SH3GLB1: variants seen among roughly 807,000 people sequenced by gnomAD.
SH3GLB1 encodes endophilin-B1.
SH3GLB1 carries 17 observed loss-of-function variants against 42.0 expected under a neutral mutation model. The observed-to-expected ratio is 0.40, with a 90% CI of 0.28 to 0.61. The LOEUF (loss-of-function observed/expected upper bound fraction) is 0.61, where lower values mean the gene tolerates loss of function less well. Ranked by LOEUF, SH3GLB1 falls within the 20% of genes least tolerant of loss-of-function variation. The probability of loss-of-function intolerance (pLI) is 0.36; values close to 1 mark genes in which losing one functional copy is unlikely to be tolerated. For missense variants in SH3GLB1, 355 were observed against 426.3 expected (o/e 0.83, Z 1.47); for synonymous variants, 132 against 146.6 (o/e 0.90, Z 0.72).
intron 5 of SH3GLB1, among the ~76,000 whole-genome samples, chr1:86,724,892 A>AATATATATATATATATATAT (rs58927851): frequency 1.4e-4 from 14 of 99,598 alleles, no homozygotes; most frequent in South Asian, 3.0e-4. Flanking sequence ...AAAAAAAAAA[A>AATATATATATATATATATAT]ATATATATAT....
intron 1 of SH3GLB1, among the ~76,000 whole-genome samples, chr1:86,710,750 T>A (rs899484975): frequency 6.6e-6 from 1 of 152,144 alleles, no homozygotes; most frequent in Admixed American, 6.5e-5. Flanking sequence ...GTTAATATAT[T>A]TGAAGCAAAA....
At chr1:86,739,684 TA>T (rs1655963493) in intron 7 of SH3GLB1, among the ~76,000 whole-genome samples, 3 of 151,744 alleles carry the variant, frequency 2.0e-5, no homozygotes, top group Non-Finnish European at 2.9e-5. Flanking sequence ...ATAGGAGAAA[TA>T]AGGGCATGTT....
chr1:86,717,703 T>C (rs2101931696), intron 2 of SH3GLB1, among the ~76,000 whole-genome samples: 1 of 152,332 alleles, frequency 6.6e-6, no homozygotes, highest in East Asian at 1.9e-4. Flanking sequence ...ATTACACGTG[T>C]GAGCCACCAT....
intron 7 of SH3GLB1, among the ~76,000 whole-genome samples, chr1:86,739,693 G>A (rs370920465): frequency 7.9e-5 from 12 of 152,080 alleles, no homozygotes; most frequent in East Asian, 5.8e-4. Context: ...ATAAGGGCAT[G>A]TTTGTAAGCT....
intron 5 of SH3GLB1, among the ~76,000 whole-genome samples, chr1:86,731,680 G>C (rs1485208425): frequency 6.6e-6 from 1 of 152,146 alleles, no homozygotes; most frequent in African/African-American, 2.4e-5. Flanking sequence ...AGAAACTCAT[G>C]AAACATATTA....
At chr1:86,724,210 C>CA in intron 4 of SH3GLB1, 103 bp from the exon 5 acceptor site, 2 of 722,236 alleles carry the variant, frequency 2.8e-6, no homozygotes, top group Admixed American at 3.5e-5. Context: ...AGATCTTTAT[C>CA]AAGTGATACA....
intron 3 of SH3GLB1, among the ~76,000 whole-genome samples, chr1:86,720,129 A>G (rs1407162921): frequency 6.6e-6 from 1 of 152,104 alleles, no homozygotes; most frequent in African/African-American, 2.4e-5. Flanking sequence ...ATTCAAGCAT[A>G]TATTTAGTTA....
At chr1:86,722,432 C>T in intron 3 of SH3GLB1, 108 bp from the exon 4 acceptor site, 1 of 937,846 alleles carries the variant, frequency 1.1e-6, no homozygotes, top group Non-Finnish European at 1.6e-6. Context: ...CTTTAGCAAG[C>T]AAGTTACAGC....
At chr1:86,727,128 A>C (rs907038780) in intron 5 of SH3GLB1, among the ~76,000 whole-genome samples, 2 of 152,018 alleles carry the variant, frequency 1.3e-5, no homozygotes, top group Admixed American at 1.3e-4. Context: ...GTTCATAGAT[A>C]AATGATGTAA....
Position 86,724,992 on chromosome 1 carries a change from G to A in SH3GLB1, c.570+587G>A, listed in dbSNP as rs1014470019. Among the ~76,000 whole-genome samples, 69 of 142,766 alleles carry A rather than the reference G, an allele frequency of 4.8e-4. 1 individual carries two copies. The highest frequency in any genetic ancestry group is 1.8e-3 in the African/African-American group (68 of 38,058). The allele number at this position is 142,766 out of a possible 152,430, so 93.7% of individuals were successfully genotyped here. On this transcript the variant is annotated intron_variant, in intron 5 of 8. Coordinates refer to ENST00000370558, the MANE Select transcript of SH3GLB1 (RefSeq NM_016009.5). ...GTATATATATAAAATATATATATGT[G>A]TGTATATACACACACACACGTGATA...
chr1:86,713,655 C>T (rs1035207321), intron 1 of SH3GLB1, among the ~76,000 whole-genome samples: 9 of 152,128 alleles, frequency 5.9e-5, no homozygotes, highest in African/African-American at 2.2e-4. Flanking sequence ...TCTCACACTC[C>T]TCAAACTCCT....
chr1:86,742,222 A>G lies in SH3GLB1; in HGVS notation c.776A>G (p.Tyr259Cys). The G allele has an allele frequency of 6.2e-7, 1 of 1,613,940 alleles. No individual in the cohort carries two copies. The highest frequency in any genetic ancestry group is 8.5e-7 in the Non-Finnish European group (1 of 1,179,812). Reference sequence around the variant, plus strand: ...CTTTTCAACAGTTTTCCATCCAATTATCTTAGTAACAACAATCAGACTTCT... The same window carrying G: ...CTTTTCAACAGTTTTCCATCCAATTGTCTTAGTAACAACAATCAGACTTCT... The part of the protein sequence containing the change: ...QKQLGSFPSN[Y>C]LSNNNQTSVT... Residue 259 changes from tyrosine to cysteine, a missense_variant, in exon 8 of 9, where the codon TAT becomes TGT. Coordinates refer to ENST00000370558, the MANE Select transcript of SH3GLB1 (RefSeq NM_016009.5).
chr1:86,745,793 G>C lies in SH3GLB1; in HGVS notation c.*2558G>C, dbSNP rs1013709689. ...TAAAGGCCTGAAGTTTCTTGGGCGT[G>C]GAAGAAAAAGCTTGGGAAGCCTATT... On this transcript the variant is annotated 3_prime_UTR_variant, in exon 9 of 9. Transcript: ENST00000370558. The C allele has an allele frequency of 1.3e-5, 2 of 152,262 alleles. No individual in the cohort carries two copies. The highest frequency in any genetic ancestry group is 2.9e-5 in the Non-Finnish European group (2 of 68,026). The allele number at this position is 152,262 out of a possible 1,614,324, so 9.4% of individuals were successfully genotyped here. A position where few individuals can be genotyped will look rare whatever the true frequency, so the allele number is the denominator to read the frequency against.
At chr1:86,732,982 C>G (rs1570285400) in intron 5 of SH3GLB1, among the ~76,000 whole-genome samples, 1 of 152,122 alleles carries the variant, frequency 6.6e-6, no homozygotes, top group East Asian at 1.9e-4. Context: ...GTATTTACTT[C>G]TGTTACTCAA....
intron 2 of SH3GLB1, among the ~76,000 whole-genome samples, chr1:86,716,085 G>T (rs1193743374): frequency 6.6e-6 from 1 of 152,046 alleles, no homozygotes; most frequent in African/African-American, 2.4e-5. Flanking sequence ...TAGAATCCTT[G>T]TAAAAAATCT....
At chr1:86,736,218 G>T (rs1260211248) in intron 7 of SH3GLB1, among the ~76,000 whole-genome samples, 1 of 152,076 alleles carries the variant, frequency 6.6e-6, no homozygotes, top group African/African-American at 2.4e-5. Flanking sequence ...AAGGAGTTTG[G>T]AATTTATATA....
chr1:86,709,550 T>G (rs1203926704), intron 1 of SH3GLB1, among the ~76,000 whole-genome samples: 2 of 152,202 alleles, frequency 1.3e-5, no homozygotes, highest in Non-Finnish European at 2.9e-5. Context: ...AGCCATTTTG[T>G]GAATAACTTT....
Position 86,734,704 on chromosome 1 carries a change from T to G in SH3GLB1, c.660+13T>G. The G allele has an allele frequency of 6.3e-7, 1 of 1,598,438 alleles. No homozygotes were observed. The highest frequency in any genetic ancestry group is 8.6e-7 in the Non-Finnish European group (1 of 1,167,606). On this transcript the variant is annotated intron_variant, in intron 6 of 8. Transcript: ENST00000370558. ...CAGCAGTACACATGTGAGTATTCAT[T>G]CATTGGAAATTCATTTGGAACAAGA...
At position 86,744,079 on chromosome 1, in the gene SH3GLB1, G is replaced by C. The variant is rs1289440020; in HGVS notation, c.*844G>C. ...AACAGCAGATTTGTATACAAATACG[G>C]AATAATGCAACTACATTATAAATTG... is the stretch of plus-strand genomic sequence containing the variant. On this transcript the variant is annotated 3_prime_UTR_variant, in exon 9 of 9. Transcript: ENST00000370558. 2 of 152,314 alleles carry C rather than the reference G, an allele frequency of 1.3e-5. No homozygotes were observed. The highest frequency in any genetic ancestry group is 4.8e-5 in the African/African-American group (2 of 41,452). The allele number at this position is 152,314 out of a possible 1,614,324, so 9.4% of individuals were successfully genotyped here.
Sources: gnomAD v4.1 joint callset for allele counts (sites outside exome capture counted in the v4.1 genomes callset) on GRCh38, gnomAD v4.1.1 for gene constraint, MANE v1.5 for transcripts, NCBI Gene and HGNC (gene_info 2026-07-23, HGNC 2026-07-21) for gene names.